Variants in ADA observed in about 807,000 individuals in gnomAD.
ADA encodes the protein adenosine aminohydrolase.
In ADA, 45 loss-of-function variants were observed where a neutral mutation model predicts 49.0. That is an observed-to-expected ratio of 0.92 (90% CI 0.72 to 1.18). The LOEUF (loss-of-function observed/expected upper bound fraction) is 1.18, where lower values mean the gene tolerates loss of function less well. Among genes scored for constraint, ADA ranks in the 50% most tolerant of loss-of-function variants. ADA has a pLI of 0.00. For missense variants in ADA, 445 were observed against 472.5 expected (o/e 0.94, Z 0.54); for synonymous variants, 173 against 184.2 (o/e 0.94, Z 0.49).
At chr20:44,625,357 G>A (rs1298253437) in intron 5 of ADA, among the ~76,000 whole-genome samples, 2 of 152,030 alleles carry the variant, frequency 1.3e-5, no homozygotes, top group Admixed American at 6.5e-5. Flanking sequence ...ATAAAGGCAT[G>A]GTGTCCCTGG....
At position 44,629,417 on chromosome 20, in the gene ADA, A is replaced by AGTGT. The variant is rs71825229; in HGVS notation, c.96-252_96-249dup. Among the ~76,000 whole-genome samples, 1,473 of 150,388 alleles carry AGTGT rather than the reference A, an allele frequency of 9.8e-3. 18 individuals are homozygous for AGTGT. Among genetic ancestry groups the AGTGT allele is most frequent in the African/African-American group, 0.029 (1,195 of 41,154 alleles). On this transcript the variant is annotated intron_variant, in intron 2 of 11. Coordinates refer to ENST00000372874, the MANE Select transcript of ADA (RefSeq NM_000022.4). ...ATCTCAAGGGGGATAAACAGGTTGAAGTGTGTGTGTGTGTGTGTGTGTATG... is the reference window on the plus strand; with the variant it reads ...ATCTCAAGGGGGATAAACAGGTTGAAGTGTGTGTGTGTGTGTGTGTGTGTGTATG...
intron 1 of ADA, among the ~76,000 whole-genome samples, chr20:44,640,745 T>A (rs1468292197): frequency 6.6e-6 from 1 of 151,740 alleles, no homozygotes; most frequent in Admixed American, 6.6e-5. Flanking sequence ...TCCTGGATTA[T>A]CTGGTTGGGC....
chr20:44,622,760 T>C, intron 8 of ADA, 69 bp downstream of exon 8: 2 of 1,614,020 alleles, frequency 1.2e-6, no homozygotes, highest in Non-Finnish European at 1.7e-6. Context: ...CCCGCCCTGC[T>C]TTCTGCCTCT....
rs2065359606 is a variant in ADA at position 44,624,146 on chromosome 20, G to T, written c.606+56C>A. On this transcript the variant is annotated intron_variant, in intron 6 of 11. Transcript: ENST00000372874. ...GTTCTTGTGATTTCTCCCAACTATGGGTGGGAGACAAGCTCACCCAGGGCC... is the reference window on the plus strand; with the variant it reads ...GTTCTTGTGATTTCTCCCAACTATGTGTGGGAGACAAGCTCACCCAGGGCC... 52 of 1,560,344 alleles carry T rather than the reference G, an allele frequency of 3.3e-5. No homozygotes were observed. In the South Asian group the frequency reaches 6.1e-4, roughly 18 times the overall value.
rs1452724917 is a variant in ADA, at chr20:44,626,515, C to T, written c.303G>A (p.Arg101=). ...AGTTGGCCAGCAGGTGCGGACTGTA[C>T]CGCACCTCCACATACACCACGCCCT... ...AKEGVVYVEV[R]YSPHLLANSK... Residue 101 remains arginine (R), a synonymous_variant, in exon 4 of 12, where the codon CGG becomes CGA. Coordinates refer to ENST00000372874, the MANE Select transcript of ADA (RefSeq NM_000022.4). 1 of 1,614,180 alleles carries T rather than the reference C, an allele frequency of 6.2e-7. No individual in the cohort carries two copies. The highest frequency in any genetic ancestry group is 1.1e-5 in the South Asian group (1 of 91,082).
chr20:44,628,355 T>A (rs2065401666), intron 3 of ADA, among the ~76,000 whole-genome samples: 1 of 152,046 alleles, frequency 6.6e-6, no homozygotes, highest in Non-Finnish European at 1.5e-5. Flanking sequence ...TAAAACCCCA[T>A]CTCTACTAAA....
intron 1 of ADA, among the ~76,000 whole-genome samples, chr20:44,645,040 G>T (rs1382539251): frequency 6.6e-6 from 1 of 152,204 alleles, no homozygotes; most frequent in Non-Finnish European, 1.5e-5. Context: ...AGGTCTAGCA[G>T]CACGCTCCCT....
At chr20:44,631,051 A>C (rs2065428783) in intron 2 of ADA, among the ~76,000 whole-genome samples, 2 of 152,202 alleles carry the variant, frequency 1.3e-5, no homozygotes, top group South Asian at 4.1e-4. Flanking sequence ...AGTGCCAAAG[A>C]AACAGAAGTT....
intron 9 of ADA, 73 bp downstream of exon 9, chr20:44,622,515 C>T: frequency 6.4e-7 from 1 of 1,566,898 alleles, no homozygotes; most frequent in South Asian, 1.1e-5. Flanking sequence ...GGCTGATGCC[C>T]AATCCCTAAA....
chr20:44,630,000 C>T (rs1447656759), intron 2 of ADA, among the ~76,000 whole-genome samples: 2 of 151,068 alleles, frequency 1.3e-5, no homozygotes, highest in South Asian at 2.1e-4. Context: ...TCAGTTTCCC[C>T]CCCCTTTTTT....
chr20:44,627,930 G>A (rs552471827), intron 3 of ADA, among the ~76,000 whole-genome samples: 10 of 152,204 alleles, frequency 6.6e-5, no homozygotes, highest in East Asian at 3.8e-4. Flanking sequence ...AACCCCACCC[G>A]GGTCAGTGCT....
chr20:44,634,428 A>G (rs2065461217), intron 2 of ADA, among the ~76,000 whole-genome samples: 1 of 152,348 alleles, frequency 6.6e-6, no homozygotes, highest in African/African-American at 2.4e-5. Flanking sequence ...GACAGGGGGT[A>G]ATGGCCAGGG....
rs537849803 is a variant in ADA at position 44,623,459 on chromosome 20, C to G, written c.607-381G>C. Among the ~76,000 whole-genome samples the G allele has an allele frequency of 2.6e-5, 4 of 152,312 alleles. No individual in the cohort carries two copies. The East Asian group carries it at 7.7e-4, about 29-fold the overall frequency. On this transcript the variant is annotated intron_variant, in intron 6 of 11. Transcript: ENST00000372874. ...CCCTGACTTCTCCACCATGCTGCAC[C>G]CTCCACAGGAGGCCCATTCATCATC...
At chr20:44,643,137 C>T (rs2065553702) in intron 1 of ADA, among the ~76,000 whole-genome samples, 1 of 152,208 alleles carries the variant, frequency 6.6e-6, no homozygotes, top group Non-Finnish European at 1.5e-5. Context: ...GGGGTGGCGA[C>T]CCCGCTCTCC....
At chr20:44,644,543 G>A (rs777663407) in intron 1 of ADA, among the ~76,000 whole-genome samples, 23 of 152,230 alleles carry the variant, frequency 1.5e-4, no homozygotes, top group Non-Finnish European at 2.5e-4. Flanking sequence ...GAACCCAGAT[G>A]AGCCACAGGT....
intron 10 of ADA, chr20:44,620,702 C>G (rs2065321944): frequency 1.8e-6 from 1 of 560,450 alleles, no homozygotes; most frequent in African/African-American, 1.9e-5. Context: ...CTTATTCAGC[C>G]TGGGATTTAA....
intron 1 of ADA, among the ~76,000 whole-genome samples, chr20:44,650,234 T>C (rs1457734782): frequency 6.6e-6 from 1 of 152,166 alleles, no homozygotes; most frequent in African/African-American, 2.4e-5. Flanking sequence ...GCTTCCAGCT[T>C]CTGACGGGGA....
intron 4 of ADA, 151 bp from the exon 5 acceptor site, chr20:44,625,835 G>GC: frequency 1.5e-6 from 1 of 670,502 alleles, no homozygotes; most frequent in South Asian, 1.8e-5. Flanking sequence ...TGGCAGAGAT[G>GC]CCCCCAGGCC....
chr20:44,624,136 C>G (rs1447536688), intron 6 of ADA, 66 bp downstream of exon 6: 1 of 1,552,344 alleles, frequency 6.4e-7, no homozygotes, highest in South Asian at 1.2e-5. Context: ...TGTGATTTCT[C>G]CCAACTATGG....
Sources: allele counts gnomAD v4.1 joint callset (sites outside exome capture counted in the v4.1 genomes callset), GRCh38; gene constraint gnomAD v4.1.1; transcripts MANE v1.5; gene names NCBI Gene and HGNC (gene_info 2026-07-23, HGNC 2026-07-21).